NDUFA10: variants seen among roughly 807,000 people sequenced by gnomAD.
NDUFA10 encodes the protein NADH:ubiquinone oxidoreductase subunit A10, also known as NADH dehydrogenase [ubiquinone] 1 alpha subcomplex subunit 10, mitochondrial.
Under a neutral mutation model 47.8 loss-of-function variants are expected in NDUFA10, and 40 were observed. The observed-to-expected ratio is 0.84, with a 90% CI of 0.65 to 1.09. The LOEUF (loss-of-function observed/expected upper bound fraction) is 1.09. NDUFA10 is among the 50% of genes least tolerant of loss of function. NDUFA10 has a pLI of 0.00. For synonymous variants in NDUFA10, 183 were observed against 172.2 expected (o/e 1.06, Z -0.49); for missense variants, 413 against 451.1 (o/e 0.92, Z 0.76).
intron 5 of NDUFA10, among the ~76,000 whole-genome samples, chr2:239,894,233 C>T (rs1693349834): frequency 6.7e-6 from 1 of 148,716 alleles, no homozygotes; most frequent in South Asian, 2.2e-4. Context: ...CTCACTCCTT[C>T]TCCCTGCCTC....
At chr2:239,973,465 A>G (rs1323733727) in intron 9 of NDUFA10, 3 of 467,916 alleles carry the variant, frequency 6.4e-6, no homozygotes, top group African/African-American at 6.0e-5. Flanking sequence ...CAATACTGAA[A>G]ATGAAAACAA....
chr2:240,001,679 C>A (rs1195537951), intron 8 of NDUFA10, among the ~76,000 whole-genome samples: 1 of 152,248 alleles, frequency 6.6e-6, no homozygotes, highest in Non-Finnish European at 1.5e-5. Flanking sequence ...GTCTCCATCA[C>A]CTACGCATCC....
intron 8 of NDUFA10, among the ~76,000 whole-genome samples, chr2:239,995,709 A>G (rs1696445456): frequency 6.6e-6 from 1 of 152,212 alleles, no homozygotes; most frequent in Middle Eastern, 3.2e-3. Context: ...CTTACTATCT[A>G]CAAGAAAACT....
intron 4 of NDUFA10, among the ~76,000 whole-genome samples, chr2:239,932,222 AAACCC>A (rs1694187331): frequency 6.6e-6 from 1 of 152,202 alleles, no homozygotes; most frequent in Admixed American, 6.5e-5. Flanking sequence ...TGGGAAACAA[AAACCC>A]AAATACCCTT....
intron 6 of NDUFA10, among the ~76,000 whole-genome samples, chr2:240,008,318 TG>T (rs1244988525): frequency 6.6e-6 from 1 of 152,022 alleles, no homozygotes; most frequent in African/African-American, 2.4e-5. Flanking sequence ...TCAACATAAA[TG>T]GTCAGAAACT....
chr2:239,971,131 C>T (rs900051852), intron 9 of NDUFA10, among the ~76,000 whole-genome samples: 11 of 152,240 alleles, frequency 7.2e-5, no homozygotes, highest in Non-Finnish European at 1.6e-4. Flanking sequence ...CACATAAAAA[C>T]ATTCTCAAAT....
intron 8 of NDUFA10, among the ~76,000 whole-genome samples, chr2:240,004,324 C>T (rs1029076592): frequency 6.6e-6 from 1 of 152,176 alleles, no homozygotes; most frequent in African/African-American, 2.4e-5. Flanking sequence ...CTTTTTTCAA[C>T]CTTACCTAAT....
At position 239,982,127 on chromosome 2, in the gene NDUFA10, G is replaced by T. The variant is rs570400396; in HGVS notation, c.999+7947C>A. 10 of 1,612,756 alleles carry T rather than the reference G, an allele frequency of 6.2e-6. No individual in the cohort carries two copies. The African/African-American group carries it at 1.1e-4, about 17-fold the overall frequency. Reference sequence around the variant, plus strand: ...CTGACACGTGTACCTGAAGACCGATGAGAAGGTCTTCCCACCTCCAAAGAC... The same window carrying T: ...CTGACACGTGTACCTGAAGACCGATTAGAAGGTCTTCCCACCTCCAAAGAC... On this transcript the variant is annotated intron_variant, in intron 9 of 9. Transcript: ENST00000252711.
chr2:239,990,279 A>C (rs1446449451), intron 8 of NDUFA10, 97 bp from the exon 9 acceptor site: 17 of 918,238 alleles, frequency 1.9e-5, no homozygotes, highest in African/African-American at 9.9e-5. Flanking sequence ...CATATAAAAA[A>C]TCTATATATC....
chr2:239,918,371 G>T (rs936826683), intron 4 of NDUFA10, among the ~76,000 whole-genome samples: 4 of 152,198 alleles, frequency 2.6e-5, no homozygotes, highest in African/African-American at 9.7e-5. Context: ...GCCCACCCTT[G>T]CAGGAGCCTT....
chr2:239,900,204 C>A (rs189602329), intron 4 of NDUFA10, among the ~76,000 whole-genome samples: 3 of 152,014 alleles, frequency 2.0e-5, no homozygotes, highest in African/African-American at 7.3e-5. Context: ...CTGTTGGCTT[C>A]CCTACTTTTG....
chr2:239,899,361 A>AGTGTGATGGAGGG (rs1401976307), intron 4 of NDUFA10, among the ~76,000 whole-genome samples: 1 of 21,806 alleles, frequency 4.6e-5, no homozygotes, highest in Non-Finnish European at 8.7e-5. Context: ...GTGATGGAGG[A>AGTGTGATGGAGGG]GTGTGATGGA....
intron 4 of NDUFA10, among the ~76,000 whole-genome samples, chr2:239,923,064 AG>A (rs1694015037): frequency 2.0e-5 from 3 of 152,232 alleles, no homozygotes; most frequent in Admixed American, 1.3e-4. Flanking sequence ...GAAAATTACC[AG>A]GGACAAAAGA....
chr2:239,989,559 A>G (rs914360395), intron 9 of NDUFA10, among the ~76,000 whole-genome samples: 1 of 152,220 alleles, frequency 6.6e-6, no homozygotes, highest in East Asian at 1.9e-4. Flanking sequence ...AACCTAATGG[A>G]ATCTTGCCAG....
chr2:239,958,882 T>C lies in NDUFA10; in HGVS notation c.*2236A>G. The C allele has an allele frequency of 1.1e-6, 1 of 935,626 alleles. No homozygotes were observed. Among genetic ancestry groups the C allele is most frequent in the Non-Finnish European group, 1.3e-6 (1 of 784,600 alleles). The allele number at this position is 935,626 out of a possible 1,614,324, so 58.0% of individuals were successfully genotyped here. A position where few individuals can be genotyped will look rare whatever the true frequency, so the allele number is the denominator to read the frequency against. On this transcript the variant is annotated 3_prime_UTR_variant, in exon 10 of 10. Transcript: ENST00000252711. ...GATTATTTCCTGATCTCCAAAGCAC[T>C]GAGAAGTCCAACATGGAATCCTGGA... is the stretch of plus-strand genomic sequence containing the variant.
chr2:240,021,260 A>G lies in NDUFA10; in HGVS notation c.397T>C (p.Ser133Pro). Residue 133 changes from serine (S) to proline (P), a missense_variant, in exon 3 of 10, where the codon TCC (serine) becomes CCC (proline). Transcript: ENST00000252711. ...SNDGNSYRLQ[S>P]WLYSSRLLQY... ...AGCAGGCGACTGCTGTACAACCAGG[A>G]CTGCAGGCGGTAACTGTTGCCATCA... is the stretch of plus-strand genomic sequence containing the variant. 10 of 1,614,234 alleles carry G rather than the reference A, an allele frequency of 6.2e-6. No homozygotes were observed. The highest frequency in any genetic ancestry group is 1.1e-5 in the South Asian group (1 of 91,086).
At chr2:239,969,581 A>T (rs1695228785) in intron 9 of NDUFA10, 1 of 460,370 alleles carries the variant, frequency 2.2e-6, no homozygotes, top group African/African-American at 2.0e-5. Context: ...TGGCTCTAGG[A>T]CACTCATCAG....
chr2:240,011,648 C>T lies in NDUFA10; in HGVS notation c.718G>A (p.Ala240Thr). ...TSAYLQDIEN[A>T]YKKTFLPEMS... ...TCAGGGAGAAAGGTTTTCTTATAGG[C>T]ATTCTCAATGTCCTGTAGATAGGCA... is the stretch of plus-strand genomic sequence containing the variant. The change falls in exon 6 of 10, where the codon GCC becomes ACC. Residue 240 changes from alanine (A) to threonine (T), a missense_variant. Coordinates refer to ENST00000252711, the MANE Select transcript of NDUFA10 (RefSeq NM_004544.4). 1 of 1,613,624 alleles carries T rather than the reference C, an allele frequency of 6.2e-7. No individual in the cohort carries two copies. Among genetic ancestry groups the T allele is most frequent in the Non-Finnish European group, 8.5e-7 (1 of 1,179,532 alleles).
At chr2:239,896,319 A>G (rs1693395091) in intron 4 of NDUFA10, among the ~76,000 whole-genome samples, 1 of 152,278 alleles carries the variant, frequency 6.6e-6, no homozygotes, top group South Asian at 2.1e-4. Context: ...GATTCAGGGC[A>G]GACCTGGCCG....
Sources: allele counts gnomAD v4.1 joint callset (sites outside exome capture counted in the v4.1 genomes callset), GRCh38; gene constraint gnomAD v4.1.1; transcripts MANE v1.5; gene names NCBI Gene and HGNC (gene_info 2026-07-23, HGNC 2026-07-21).